Variants in REV3L observed in about 807,000 individuals in gnomAD.
REV3L encodes REV3 like, DNA directed polymerase zeta catalytic subunit.
In REV3L, 69 loss-of-function variants were observed where a neutral mutation model predicts 299.4. The ratio of observed to expected loss-of-function variants is 0.23; its 90% confidence interval spans 0.19 to 0.28. The LOEUF (loss-of-function observed/expected upper bound fraction) is 0.28, where lower values mean the gene tolerates loss of function less well. Among genes scored for constraint, REV3L ranks in the 10% least tolerant of loss-of-function variants. The pLI, the probability that REV3L is intolerant of heterozygous loss-of-function variation, is 1.00. For missense variants in REV3L, 3,128 were observed against 3,693.8 expected, an observed-to-expected ratio of 0.85 and a Z score of 3.97; for synonymous variants, 1,238 against 1,271.4, an observed-to-expected ratio of 0.97 and a Z score of 0.56.
At chr6:111,300,459 A>G (rs1305317508) in intron 31 of REV3L, among the ~76,000 whole-genome samples, 1 of 152,242 alleles carries the variant, frequency 6.6e-6, no homozygotes, top group Non-Finnish European at 1.5e-5. Context: ...CAATTACCAA[A>G]GAATGTCTCT....
chr6:111,438,657 C>T (rs534315990), intron 1 of REV3L, among the ~76,000 whole-genome samples: 2 of 151,984 alleles, frequency 1.3e-5, no homozygotes, highest in Non-Finnish European at 2.9e-5. Context: ...CCTCAAAATC[C>T]CATATCCCAA....
At chr6:111,364,567 A>G (rs1191810006) in intron 15 of REV3L, among the ~76,000 whole-genome samples, 1 of 152,052 alleles carries the variant, frequency 6.6e-6, no homozygotes, top group African/African-American at 2.4e-5. Context: ...TTTAATATAT[A>G]TAGCTTGTAA....
Position 111,335,495 on chromosome 6 carries a change from A to G in REV3L, c.7654T>C (p.Leu2552=), listed in dbSNP as rs1462978477. The G allele has an allele frequency of 1.2e-6, 2 of 1,613,610 alleles. No homozygotes were observed. The highest frequency in any genetic ancestry group is 3.3e-5 in the Admixed American group (2 of 59,956). ...TGTGAACCCCTTGTCAGTACATGTA[A>G]AAACTGAATGCCAAAAAGTCTAGCC... The part of the protein sequence containing the change: ...EMARLFGIQF[L]HVLTRGSQYR... Residue 2552 remains leucine, a synonymous_variant, in exon 22 of 32, where the codon TTA becomes CTA. Coordinates refer to ENST00000368802, the MANE Select transcript of REV3L (RefSeq NM_001372078.1).
chr6:111,445,052 G>A (rs1583019108), intron 1 of REV3L, among the ~76,000 whole-genome samples: 1 of 152,214 alleles, frequency 6.6e-6, no homozygotes, highest in Non-Finnish European at 1.5e-5. Flanking sequence ...CAGATAATAA[G>A]ACGGCAACAG....
chr6:111,411,341 C>A, intron 3 of REV3L, 139 bp downstream of exon 3: 1 of 611,168 alleles, frequency 1.6e-6, no homozygotes, highest in South Asian at 2.1e-5. Flanking sequence ...TGGTCTCTCT[C>A]TATACACGTA....
intron 13 of REV3L, among the ~76,000 whole-genome samples, chr6:111,370,081 T>C (rs1463858604): frequency 6.6e-6 from 1 of 152,180 alleles, no homozygotes; most frequent in African/African-American, 2.4e-5. Context: ...TCTGCCCACC[T>C]TGGCCTCCCA....
At chr6:111,347,545 T>C (rs942191075) in intron 20 of REV3L, among the ~76,000 whole-genome samples, 2 of 152,156 alleles carry the variant, frequency 1.3e-5, no homozygotes, top group African/African-American at 4.8e-5. Flanking sequence ...AAGTATATAA[T>C]AGAAAGTGTC....
Position 111,388,040 on chromosome 6 carries a change from T to C in REV3L, c.908A>G (p.Lys303Arg), listed in dbSNP as rs1781518519. The C allele has an allele frequency of 1.9e-6, 3 of 1,612,898 alleles. No individual in the cohort carries two copies. The highest frequency in any genetic ancestry group is 1.7e-5 in the Admixed American group (1 of 59,940). ...PATESEKKFQKRLQEILKQND... is the reference protein window; with the variant it reads ...PATESEKKFQRRLQEILKQND... Reference sequence around the variant, plus strand: ...CTGTTTGAGAATTTCCTGAAGTCTCTTCTGAAATTTTTTTTCACTTTCTGT... The same window carrying C: ...CTGTTTGAGAATTTCCTGAAGTCTCCTCTGAAATTTTTTTTCACTTTCTGT... Residue 303 changes from lysine to arginine, a missense_variant, in exon 8 of 32, where the codon AAG (lysine) becomes AGG (arginine). By Grantham distance (26) the Lys-to-Arg change is conservative. This residue lies in a region of REV3L where 2,409 missense variants were observed against 2,611.8 expected (regional missense o/e 0.92). Transcript: ENST00000368802.
At chr6:111,345,478 G>A (rs1320786095) in intron 20 of REV3L, among the ~76,000 whole-genome samples, 1 of 152,048 alleles carries the variant, frequency 6.6e-6, no homozygotes, top group African/African-American at 2.4e-5. Context: ...ACAATTATGT[G>A]GGAAGAAAAT....
chr6:111,363,214 T>C (rs1778873582), intron 16 of REV3L, among the ~76,000 whole-genome samples: 1 of 152,186 alleles, frequency 6.6e-6, no homozygotes, highest in South Asian at 2.1e-4. Flanking sequence ...ACTCAGCCAA[T>C]CAAACAGAAA....
At chr6:111,469,144 A>T (rs1791875573) in intron 1 of REV3L, among the ~76,000 whole-genome samples, 1 of 152,192 alleles carries the variant, frequency 6.6e-6, no homozygotes, top group Non-Finnish European at 1.5e-5. Flanking sequence ...CCTGGGCAAC[A>T]GAGCGAGACT....
chr6:111,331,663 A>G lies in REV3L; in HGVS notation c.8034+13T>C. The G allele has an allele frequency of 6.5e-7, 1 of 1,549,976 alleles. No homozygotes were observed. The highest frequency in any genetic ancestry group is 2.3e-5 in the East Asian group (1 of 44,360). ...GCCATAGTTGTTATCTTTCATTTAC[A>G]AGAGAGTATTACCTTGACAAAAGCT... On this transcript the variant is annotated intron_variant, in intron 24 of 31. Coordinates refer to ENST00000368802, the MANE Select transcript of REV3L (RefSeq NM_001372078.1).
At chr6:111,341,119 C>T (rs1776440928) in intron 21 of REV3L, among the ~76,000 whole-genome samples, 1 of 149,130 alleles carries the variant, frequency 6.7e-6, no homozygotes, top group Admixed American at 6.8e-5. Context: ...TTAGTCACTG[C>T]AACCTCTGAC....
intron 4 of REV3L, among the ~76,000 whole-genome samples, chr6:111,399,267 C>T (rs1001376797): frequency 6.6e-6 from 1 of 152,018 alleles, no homozygotes; most frequent in African/African-American, 2.4e-5. Flanking sequence ...ATTATTTTCC[C>T]CAGTAACCTT....
chr6:111,407,891 G>A (rs187263284), intron 3 of REV3L, among the ~76,000 whole-genome samples: 7 of 152,254 alleles, frequency 4.6e-5, no homozygotes, highest in Admixed American at 1.3e-4. Flanking sequence ...AGCTGAGATC[G>A]TGCCATTGAC....
rs772372825 is a variant in REV3L at position 111,373,508 on chromosome 6, A to T, written c.4847T>A (p.Val1616Glu). ...AAAAAAGATGGGACTATCATCTGAT[A>T]CAGAGTTATCCAACTGGCTAGAGTT... The part of the protein sequence containing the change: ...LQNSSQLDNS[V>E]SDDSPIFFSD... Residue 1616 changes from valine (V) to glutamate (E), a missense_variant, in exon 13 of 32, where the codon GTA (valine) becomes GAA (glutamate). Val to Glu is a moderately radical substitution (Grantham distance 121). Around this residue, in one of 9 missense-constraint regions of REV3L, gnomAD observed 2,409 missense variants for 2,611.8 expected, o/e 0.92. Coordinates refer to ENST00000368802, the MANE Select transcript of REV3L (RefSeq NM_001372078.1). The T allele has an allele frequency of 6.2e-7, 1 of 1,613,396 alleles. No homozygotes were observed. Among genetic ancestry groups the T allele is most frequent in the African/African-American group, 1.3e-5 (1 of 74,808 alleles).
At chr6:111,412,063 T>C in intron 2 of REV3L, 5 of 985,066 alleles carry the variant, frequency 5.1e-6, no homozygotes, top group Non-Finnish European at 6.0e-6. Context: ...ACTTTCCTTA[T>C]TCAGCTGTTT....
At chr6:111,334,560 A>G (rs1775727437) in intron 22 of REV3L, among the ~76,000 whole-genome samples, 1 of 152,190 alleles carries the variant, frequency 6.6e-6, no homozygotes, top group Non-Finnish European at 1.5e-5. Context: ...AATTACTGGT[A>G]TGTTTGTTTC....
intron 26 of REV3L, 47 bp downstream of exon 26, chr6:111,322,522 G>C (rs1331350551): frequency 7.3e-7 from 1 of 1,363,440 alleles, no homozygotes; most frequent in African/African-American, 1.4e-5. Flanking sequence ...CTGAAATGAA[G>C]ATCTAGAGAG....
Sources: allele counts gnomAD v4.1 joint callset (sites outside exome capture counted in the v4.1 genomes callset), GRCh38; gene constraint gnomAD v4.1.1; regional missense constraint gnomAD v4.1.1; transcripts MANE v1.5; gene names NCBI Gene and HGNC (gene_info 2026-07-23, HGNC 2026-07-21).